The following CNTN2 variants were observed in gnomAD, a reference collection of about 807,000 sequenced individuals.
CNTN2 encodes contactin-2.
Under a neutral mutation model 117.5 loss-of-function variants are expected in CNTN2, and 53 were observed. The observed-to-expected ratio is 0.45, with a 90% CI of 0.36 to 0.57. The LOEUF (loss-of-function observed/expected upper bound fraction) is 0.57, where lower values mean the gene tolerates loss of function less well. Ranked by LOEUF, CNTN2 falls within the 20% of genes least tolerant of loss-of-function variation. CNTN2 has a pLI of 0.00. For synonymous variants in CNTN2, 530 were observed against 561.7 expected (o/e 0.94, Z 0.80); for missense variants, 1,106 against 1,404.3 (o/e 0.79, Z 3.39).
Position 205,073,131 on chromosome 1 carries a change from G to A in CNTN2, c.2908G>A (p.Glu970Lys). ...TLHLTGKNWIEIPVPEDIGHA... is the reference protein window; with the variant it reads ...TLHLTGKNWIKIPVPEDIGHA... ...CCACCTCACCGGCAAGAACTGGATA[G>A]AAATCCCAGTGCCTGAAGACATTGG... is the stretch of plus-strand genomic sequence containing the variant. Residue 970 changes from glutamate (E) to lysine (K), a missense_variant, in exon 22 of 23, where the codon GAA becomes AAA. Coordinates refer to ENST00000331830, the MANE Select transcript of CNTN2 (RefSeq NM_005076.5). This position sits in a 1 kb window ranked among gnomAD's most constrained non-coding sequence, Gnocchi z 6.3. 6.2e-7 allele frequency: 1 copy of A among 1,614,150 alleles called. No homozygotes were observed. Among genetic ancestry groups the A allele is most frequent in the Non-Finnish European group, 8.5e-7 (1 of 1,180,000 alleles).
intron 17 of CNTN2, 60 bp downstream of exon 17, chr1:205,069,621 G>A: frequency 6.4e-7 from 1 of 1,568,972 alleles, no homozygotes; most frequent in Non-Finnish European, 8.7e-7. Flanking sequence ...CGCTTGAGCA[G>A]CTGCAGAAAG....
At position 205,067,257 on chromosome 1, in the gene CNTN2, G is replaced by T. The variant is rs565148396; in HGVS notation, c.2125+7G>T. ...ATCCGGACCAGGGAAGCAGGTGAGA[G>T]TCCTGTGTGTCCCAAAAAGCTATCA... On this transcript the variant is annotated splice_region_variant and intron_variant, in intron 16 of 22. Transcript: ENST00000331830. The T allele has an allele frequency of 6.2e-7, 1 of 1,608,046 alleles. No individual in the cohort carries two copies. Among genetic ancestry groups the T allele is most frequent in the African/African-American group, 1.3e-5 (1 of 74,802 alleles).
Position 205,065,033 on chromosome 1 carries a change from G to A in CNTN2, c.1520-54G>A, listed in dbSNP as rs889864041. The A allele has an allele frequency of 4.3e-5, 68 of 1,587,500 alleles. No individual in the cohort carries two copies. Among genetic ancestry groups the A allele is most frequent in the Non-Finnish European group, 5.1e-5 (59 of 1,161,882 alleles). On this transcript the variant is annotated intron_variant, in intron 12 of 22. Coordinates refer to ENST00000331830, the MANE Select transcript of CNTN2 (RefSeq NM_005076.5). The surrounding 1 kb of genome is among the most constrained non-coding windows in gnomAD (Gnocchi z 4.1). ...GCCTCTCAGCCTGCCCTGCGGACCC[G>A]GCCTGGGCCCATTTCCTCCCCCATC...
At chr1:205,067,650 G>C (rs897055884) in intron 16 of CNTN2, 2 of 158,666 alleles carry the variant, frequency 1.3e-5, no homozygotes, top group Admixed American at 6.1e-5. Context: ...ATGCTGGCTG[G>C]GCGCAGTGGC....
rs1484690683 is a variant in CNTN2, at chr1:205,076,156, C to G, written c.*2391C>G. On this transcript the variant is annotated 3_prime_UTR_variant, in exon 23 of 23. Coordinates refer to ENST00000331830, the MANE Select transcript of CNTN2 (RefSeq NM_005076.5). The stretch of plus-strand genomic sequence containing the variant: ...GAAGGCAGACCTCCTGGGAGACCCA[C>G]GAAGGGTTTTTAGCCAGGGAAAACT... The G allele has an allele frequency of 6.6e-6, 1 of 152,136 alleles. No individual in the cohort carries two copies. Among genetic ancestry groups the G allele is most frequent in the Non-Finnish European group, 1.5e-5 (1 of 68,012 alleles). 9.4% of individuals were successfully genotyped at this position (152,136 alleles called of 1,614,324 possible). A position where few individuals can be genotyped will look rare whatever the true frequency, so the allele number is the denominator to read the frequency against.
rs948793503 is a variant in CNTN2 at position 205,076,680 on chromosome 1, CT to C, written c.*2917del. On this transcript the variant is annotated 3_prime_UTR_variant, in exon 23 of 23. Transcript: ENST00000331830. ...GGGCCTAGGGAGACAAGTGTCCTCT[CT>C]TCTGCATACATTTGGGCTCCCCTTA... is the stretch of plus-strand genomic sequence containing the variant. The C allele has an allele frequency of 3.3e-5, 5 of 152,194 alleles. No individual in the cohort carries two copies. Among genetic ancestry groups the C allele is most frequent in the African/African-American group, 1.2e-4 (5 of 41,444 alleles). 9.4% of individuals were successfully genotyped at this position (152,194 alleles called of 1,614,324 possible). A position where few individuals can be genotyped will look rare whatever the true frequency, so the allele number is the denominator to read the frequency against.
Position 205,059,440 on chromosome 1 carries a change from C to A in CNTN2, c.698-143C>A. On this transcript the variant is annotated intron_variant, in intron 6 of 22. Transcript: ENST00000331830. This position sits in a 1 kb window ranked among gnomAD's most constrained non-coding sequence, Gnocchi z 5.6. The stretch of plus-strand genomic sequence containing the variant: ...ACCCCCAGATCCTCCTGCTTCAAAT[C>A]CTGAGGCCCTTGCCCCAGGCCTCAA... The A allele has an allele frequency of 2.6e-5, 30 of 1,157,276 alleles. No individual in the cohort carries two copies. Among genetic ancestry groups the A allele is most frequent in the Non-Finnish European group, 3.8e-5 (30 of 793,198 alleles). The allele number at this position is 1,157,276 out of a possible 1,614,324, so 71.7% of individuals were successfully genotyped here.
chr1:205,058,525 A>G lies in CNTN2; in HGVS notation c.392-43A>G, dbSNP rs1008923321. 1 of 1,598,504 alleles carries G rather than the reference A, an allele frequency of 6.3e-7. No homozygotes were observed. The highest frequency in any genetic ancestry group is 1.7e-5 in the Admixed American group (1 of 59,926). On this transcript the variant is annotated intron_variant, in intron 4 of 22. Coordinates refer to ENST00000331830, the MANE Select transcript of CNTN2 (RefSeq NM_005076.5). The surrounding 1 kb of genome is among the most constrained non-coding windows in gnomAD (Gnocchi z 4.3). ...AAGGATGAGTCGGGGAGGGGCTCGCAGGCCAGGAGGACAGTGCCTGAGCCC... is the reference window on the plus strand; with the variant it reads ...AAGGATGAGTCGGGGAGGGGCTCGCGGGCCAGGAGGACAGTGCCTGAGCCC...
At position 205,073,910 on chromosome 1, in the gene CNTN2, G is replaced by A. The variant is rs1654731482; in HGVS notation, c.*145G>A. On this transcript the variant is annotated 3_prime_UTR_variant, in exon 23 of 23. Coordinates refer to ENST00000331830, the MANE Select transcript of CNTN2 (RefSeq NM_005076.5). The surrounding 1 kb of genome is among the most constrained non-coding windows in gnomAD (Gnocchi z 6.3). ...ACTTTAAACAGTGCCCTTTTTGTAG[G>A]AGGTAGGATATTTTATATTCTGCCG... is the stretch of plus-strand genomic sequence containing the variant. The A allele has an allele frequency of 3.1e-6, 2 of 645,916 alleles. No homozygotes were observed. The highest frequency in any genetic ancestry group is 2.7e-6 in the Non-Finnish European group (1 of 366,730). 40.0% of individuals were successfully genotyped at this position (645,916 alleles called of 1,614,324 possible).
chr1:205,073,712 G>C lies in CNTN2; in HGVS notation c.3070G>C (p.Val1024Leu). Residue 1024 changes from valine (V) to leucine (L), a missense_variant, in exon 23 of 23, where the codon GTC (valine) becomes CTC (leucine). Transcript: ENST00000331830. The surrounding 1 kb of genome is among the most constrained non-coding windows in gnomAD (Gnocchi z 6.3). ...AVRPAPHPGT[V>L]ISHSVAMLIL... is the part of the protein sequence containing the mutation. ...CCGCCCAGCACCACACCCTGGCACC[G>C]TCATTTCCCACTCCGTGGCGATGCT... is the stretch of plus-strand genomic sequence containing the variant. The C allele has an allele frequency of 6.2e-7, 1 of 1,613,986 alleles. No homozygotes were observed. Among genetic ancestry groups the C allele is most frequent in the South Asian group, 1.1e-5 (1 of 91,078 alleles).
At chr1:205,062,084 C>A in intron 9 of CNTN2, 83 bp downstream of exon 9, 1 of 1,517,664 alleles carries the variant, frequency 6.6e-7, no homozygotes, top group Non-Finnish European at 8.9e-7. Flanking sequence ...ACTTCCCCTG[C>A]ACCACTAGTA....
intron 1 of CNTN2, among the ~76,000 whole-genome samples, chr1:205,045,311 G>T (rs1233470670): frequency 1.3e-5 from 2 of 152,030 alleles, no homozygotes; most frequent in African/African-American, 4.8e-5. Flanking sequence ...CATTTCCCCT[G>T]CCAGATTTCA....
chr1:205,062,194 G>C, intron 9 of CNTN2, 193 bp downstream of exon 9: 1 of 854,910 alleles, frequency 1.2e-6, no homozygotes, highest in South Asian at 1.9e-5. Context: ...CCTGGATCCA[G>C]GCACAGTTCA....
chr1:205,062,203 C>A, intron 9 of CNTN2: 1 of 842,158 alleles, frequency 1.2e-6, no homozygotes, highest in Non-Finnish European at 1.8e-6. Flanking sequence ...AGGCACAGTT[C>A]AGCCACAAAA....
rs777653595 is a variant in CNTN2, at chr1:205,067,219, G to C, written c.2094G>C (p.Gly698=). 2.5e-6 allele frequency: 4 copies of C among 1,613,854 alleles called. No homozygotes were observed. The highest frequency in any genetic ancestry group is 2.5e-6 in the Non-Finnish European group (3 of 1,179,896). ...SNILGTGEPS[G]PSSKIRTREA... ...TTCTGGGCACTGGGGAGCCTAGTGG[G>C]CCCTCCAGCAAAATCCGGACCAGGG... Residue 698 remains glycine (G), a synonymous_variant, in exon 16 of 23, where the codon GGG becomes GGC. Coordinates refer to ENST00000331830, the MANE Select transcript of CNTN2 (RefSeq NM_005076.5).
intron 1 of CNTN2, among the ~76,000 whole-genome samples, chr1:205,050,626 AT>A (rs34368788): frequency 1.3e-5 from 2 of 151,352 alleles, no homozygotes; most frequent in Non-Finnish European, 3.0e-5. Flanking sequence ...TTCTGAGTAC[AT>A]TTTTTTTTGA....
rs758068126 is a variant in CNTN2 at position 205,059,254 on chromosome 1, G to T, written c.658G>T (p.Val220Phe). Residue 220 changes from valine (V) to phenylalanine (F), a missense_variant, in exon 6 of 23, where the codon GTC (valine) becomes TTC (phenylalanine). Transcript: ENST00000331830. This position sits in a 1 kb window ranked among gnomAD's most constrained non-coding sequence, Gnocchi z 5.6. ...TSHMDFSTKS[V>F]FSKFAQLNLA... Reference sequence around the variant, plus strand: ...CCACATGGACTTCTCCACCAAGAGCGTCTTCAGCAAGTTTGCTCAGCTCAA... The same window carrying T: ...CCACATGGACTTCTCCACCAAGAGCTTCTTCAGCAAGTTTGCTCAGCTCAA... 1.9e-6 allele frequency: 3 copies of T among 1,614,026 alleles called. No individual in the cohort carries two copies. Among genetic ancestry groups the T allele is most frequent in the Non-Finnish European group, 2.5e-6 (3 of 1,180,034 alleles).
Position 205,073,641 on chromosome 1 carries a change from T to G in CNTN2, c.3014-15T>G, listed in dbSNP as rs1399512880. On this transcript the variant is annotated splice_polypyrimidine_tract_variant and intron_variant, in intron 22 of 22. Coordinates refer to ENST00000331830, the MANE Select transcript of CNTN2 (RefSeq NM_005076.5). This position sits in a 1 kb window ranked among gnomAD's most constrained non-coding sequence, Gnocchi z 6.3. ...TAGTCCCAGGCCCAGCTGACTCAGC[T>G]TGTGCTGGTTTCAGGCACAAGCATG... 1.2e-6 allele frequency: 2 copies of G among 1,611,750 alleles called. No homozygotes were observed. The highest frequency in any genetic ancestry group is 2.7e-5 in the African/African-American group (2 of 74,920).
rs1010912950 is a variant in CNTN2, at chr1:205,064,768, G to T, written c.1519+18G>T. ...TGTGCGAGGTGAGGGCTGCCATGTGGGTAGGCCGGGGGCTCAGCCTCCTCA... is the reference window on the plus strand; with the variant it reads ...TGTGCGAGGTGAGGGCTGCCATGTGTGTAGGCCGGGGGCTCAGCCTCCTCA... On this transcript the variant is annotated intron_variant, in intron 12 of 22. Coordinates refer to ENST00000331830, the MANE Select transcript of CNTN2 (RefSeq NM_005076.5). 15 of 1,613,098 alleles carry T rather than the reference G, an allele frequency of 9.3e-6. No homozygotes were observed. Among genetic ancestry groups the T allele is most frequent in the Non-Finnish European group, 1.3e-5 (15 of 1,179,524 alleles).
Sources: gnomAD v4.1 joint callset for allele counts (sites outside exome capture counted in the v4.1 genomes callset) on GRCh38, gnomAD v4.1.1 for gene constraint, Gnocchi (gnomAD v3.1) non-coding constraint, MANE v1.5 for transcripts, NCBI Gene and HGNC (gene_info 2026-07-23, HGNC 2026-07-21) for gene names.